Variants in FNBP1 observed in about 807,000 individuals in gnomAD.
The protein encoded by FNBP1 is formin-binding protein 1.
Under a neutral mutation model 90.6 loss-of-function variants are expected in FNBP1, and 26 were observed. The observed-to-expected ratio is 0.29, with a 90% CI of 0.21 to 0.40. FNBP1 has a LOEUF of 0.40. FNBP1 is among the 10% of genes least tolerant of loss of function. The pLI is 1.00. For synonymous variants in FNBP1, 260 were observed against 265.2 expected (o/e 0.98, Z 0.19); for missense variants, 635 against 768.0 (o/e 0.83, Z 2.05).
chr9:129,941,764 C>T (rs1327502443), intron 6 of FNBP1, among the ~76,000 whole-genome samples: 1 of 152,100 alleles, frequency 6.6e-6, no homozygotes, highest in East Asian at 1.9e-4. Context: ...CACACCTGGC[C>T]TGAATGATAT....
intron 15 of FNBP1, among the ~76,000 whole-genome samples, chr9:129,898,894 T>A (rs536260669): frequency 6.6e-6 from 1 of 152,138 alleles, no homozygotes; most frequent in South Asian, 2.1e-4. Flanking sequence ...AGGAGCGCTA[T>A]AGATACTAGA....
At chr9:129,993,810 A>C (rs897217439) in intron 2 of FNBP1, among the ~76,000 whole-genome samples, 1 of 152,000 alleles carries the variant, frequency 6.6e-6, no homozygotes, top group East Asian at 1.9e-4. Context: ...TTTTTAGTAG[A>C]GGCGGGGTTT....
intron 2 of FNBP1, 64 bp downstream of exon 2, chr9:129,994,779 A>G (rs2053728451): frequency 1.4e-6 from 1 of 721,508 alleles, no homozygotes; most frequent in South Asian, 1.8e-5. Context: ...CTGTAAAATG[A>G]GAATATACGT....
chr9:129,973,744 C>A (rs1488513340), intron 4 of FNBP1, among the ~76,000 whole-genome samples: 1 of 151,414 alleles, frequency 6.6e-6, no homozygotes, highest in Non-Finnish European at 1.5e-5. Context: ...ACCTCATGAT[C>A]CGCCTGCCTT....
intron 6 of FNBP1, among the ~76,000 whole-genome samples, chr9:129,956,937 A>C (rs927089658): frequency 6.6e-6 from 1 of 152,076 alleles, no homozygotes; most frequent in Non-Finnish European, 1.5e-5. Flanking sequence ...ATGATTCCCC[A>C]TGTAGCGCCT....
intron 1 of FNBP1, among the ~76,000 whole-genome samples, chr9:130,009,199 G>A: frequency 6.6e-6 from 1 of 152,124 alleles, no homozygotes; most frequent in East Asian, 1.9e-4. Context: ...TAAAACGCTT[G>A]CCAATTCATT....
At chr9:130,046,594 A>C (rs1460948811), upstream of FNBP1, among the ~76,000 whole-genome samples, 9 of 149,468 alleles carry the variant, frequency 6.0e-5, no homozygotes, top group Non-Finnish European at 1.0e-4. Context: ...AAAAAAAAAA[A>C]AAAAAAAAAA....
At chr9:130,002,448 TA>T (rs1261458618) in intron 1 of FNBP1, among the ~76,000 whole-genome samples, 4 of 152,098 alleles carry the variant, frequency 2.6e-5, no homozygotes, top group African/African-American at 9.7e-5. Flanking sequence ...GTCCTTGACG[TA>T]ATGGGTGAGT....
At chr9:129,994,770 T>C in intron 2 of FNBP1, 73 bp downstream of exon 2, 1 of 685,434 alleles carries the variant, frequency 1.5e-6, no homozygotes, top group South Asian at 2.0e-5. Flanking sequence ...ACATTTATAC[T>C]GTAAAATGAG....
rs1192541205 is a variant in FNBP1, at chr9:130,011,215, C to CAAA, written c.25-16260_25-16258dup. On this transcript the variant is annotated intron_variant, in intron 1 of 16. Coordinates refer to ENST00000446176, the MANE Select transcript of FNBP1 (RefSeq NM_015033.3). Reference sequence around the variant, plus strand: ...TGGGTGACAGAGTGAGACTCCATCTCAAAAAAAAAAAAAAAAAAAAAAAAA... The same window carrying CAAA: ...TGGGTGACAGAGTGAGACTCCATCTCAAAAAAAAAAAAAAAAAAAAAAAAAAAA... Among the ~76,000 whole-genome samples, 126 of 13,418 alleles carry CAAA rather than the reference C, an allele frequency of 9.4e-3. 30 individuals carry two copies. Among genetic ancestry groups the CAAA allele is most frequent in the Middle Eastern group, 0.083 (1 of 12 alleles). The allele number at this position is 13,418 out of a possible 152,430, so 8.8% of individuals were successfully genotyped here.
rs181255150 is a variant in FNBP1, at chr9:129,934,202, T to C, written c.514-4507A>G. Among the ~76,000 whole-genome samples the C allele has an allele frequency of 1.4e-3, 208 of 152,336 alleles. 1 individual carries two copies. Among genetic ancestry groups the C allele is most frequent in the African/African-American group, 4.7e-3 (197 of 41,586 alleles). On this transcript the variant is annotated intron_variant, in intron 6 of 16. Transcript: ENST00000446176. ...AATAGCAACTATTACCTCAAAGAGA[T>C]AGTGTTTCCATTCTAAACCAGACCA...
intron 16 of FNBP1, among the ~76,000 whole-genome samples, chr9:129,894,629 G>GT (rs565533909): frequency 0.011 from 1,642 of 152,326 alleles, 12 homozygotes; most frequent in Middle Eastern, 0.027. Flanking sequence ...CTGGGCAAGC[G>GT]TGAGTGCAGC....
Position 129,927,254 on chromosome 9 carries a change from T to C in FNBP1, c.730A>G (p.Ile244Val). 6.2e-7 allele frequency: 1 copy of C among 1,613,954 alleles called. No individual in the cohort carries two copies. Among genetic ancestry groups the C allele is most frequent in the Non-Finnish European group, 8.5e-7 (1 of 1,179,816 alleles). ...YAEVDRQVIP[I>V]IGKCLDGIVK... ...ATTCCATCCAGGCACTTCCCAATGA[T>C]TGGGATCACCTGCCGATCAACCTCT... Residue 244 changes from isoleucine (I) to valine (V), a missense_variant, in exon 8 of 17, where the codon ATC (isoleucine) becomes GTC (valine). Transcript: ENST00000446176.
At chr9:129,915,290 C>G (rs2040089406) in intron 11 of FNBP1, among the ~76,000 whole-genome samples, 1 of 152,044 alleles carries the variant, frequency 6.6e-6, no homozygotes, top group Non-Finnish European at 1.5e-5. Flanking sequence ...TCTCTAATAG[C>G]AACATTTTTC....
At chr9:129,923,797 T>C (rs1170180563) in intron 10 of FNBP1, 47 bp downstream of exon 10, 5 of 1,505,834 alleles carry the variant, frequency 3.3e-6, no homozygotes, top group East Asian at 2.7e-5. Context: ...GAACCAAACA[T>C]GCAACCAAAG....
intron 2 of FNBP1, among the ~76,000 whole-genome samples, chr9:129,988,088 G>C (rs2052570742): frequency 6.6e-6 from 1 of 151,980 alleles, no homozygotes; most frequent in South Asian, 2.1e-4. Flanking sequence ...AGATGTACCA[G>C]TTGTTAAGTA....
In FNBP1 at chr9:130,016,325, C is replaced by T. The variant is rs976432309; in HGVS notation, c.25-21367G>A. Among the ~76,000 whole-genome samples the T allele has an allele frequency of 7.9e-5, 12 of 152,270 alleles. No homozygotes were observed. The South Asian group carries it at 2.5e-3, about 32-fold the overall frequency. The stretch of plus-strand genomic sequence containing the variant: ...ACTCCTTTTGTGAAACTCCACTTAC[C>T]AGGAGGTGCTCTTGGCATTGTTCAG... On this transcript the variant is annotated intron_variant, in intron 1 of 16. Coordinates refer to ENST00000446176, the MANE Select transcript of FNBP1 (RefSeq NM_015033.3).
chr9:129,890,588 A>T lies in FNBP1; in HGVS notation c.1847-42T>A, dbSNP rs756150202. 4 of 1,491,072 alleles carry T rather than the reference A, an allele frequency of 2.7e-6. No individual in the cohort carries two copies. The highest frequency in any genetic ancestry group is 1.4e-5 in the African/African-American group (1 of 70,876). The allele number at this position is 1,491,072 out of a possible 1,614,324, so 92.4% of individuals were successfully genotyped here. A position where few individuals can be genotyped will look rare whatever the true frequency, so the allele number is the denominator to read the frequency against. ...AACAGAAAGAGAAACTCTCTGTTAG[A>T]GAGGAAGGCGCGGGTTCCAGGCGGG... is the stretch of plus-strand genomic sequence containing the variant. On this transcript the variant is annotated intron_variant, in intron 16 of 16. Coordinates refer to ENST00000446176, the MANE Select transcript of FNBP1 (RefSeq NM_015033.3). This position sits in a 1 kb window ranked among gnomAD's most constrained non-coding sequence, Gnocchi z 5.8.
intron 6 of FNBP1, among the ~76,000 whole-genome samples, chr9:129,941,533 A>G (rs1486599623): frequency 6.6e-6 from 1 of 152,160 alleles, no homozygotes; most frequent in Non-Finnish European, 1.5e-5. Flanking sequence ...TGGTATGATC[A>G]CAGCCCGCTG....
Sources: gnomAD v4.1 joint callset for allele counts (sites outside exome capture counted in the v4.1 genomes callset) on GRCh38, gnomAD v4.1.1 for gene constraint, Gnocchi (gnomAD v3.1) non-coding constraint, MANE v1.5 for transcripts, NCBI Gene and HGNC (gene_info 2026-07-23, HGNC 2026-07-21) for gene names.